EML4: variants seen among roughly 807,000 people sequenced by gnomAD.
EML4 encodes the protein EMAP like 4.
In EML4, 72 loss-of-function variants were observed where a neutral mutation model predicts 129.0. The observed-to-expected ratio is 0.56, with a 90% CI of 0.46 to 0.68. The LOEUF is 0.68. Ranked by LOEUF, EML4 falls within the 30% of genes least tolerant of loss-of-function variation. The probability of loss-of-function intolerance (pLI) is 0.00; values close to 1 mark genes in which losing one functional copy is unlikely to be tolerated. For missense variants in EML4, 1,363 were observed against 1,190.6 expected (o/e 1.14, Z -2.13); for synonymous variants, 532 against 405.0 (o/e 1.31, Z -3.77).
At chr2:42,262,138 A>G (rs559396439) in intron 4 of EML4, among the ~76,000 whole-genome samples, 24 of 152,304 alleles carry the variant, frequency 1.6e-4, no homozygotes, top group Non-Finnish European at 7.4e-5. Flanking sequence ...AATTTTAATA[A>G]AATAAATGAC....
intron 6 of EML4, among the ~76,000 whole-genome samples, chr2:42,268,127 C>G (rs1666165545): frequency 6.6e-6 from 1 of 152,188 alleles, no homozygotes; most frequent in Non-Finnish European, 1.5e-5. Context: ...AACTGGCCTT[C>G]CATATCTGCG....
At chr2:42,327,070 A>T (rs908362809) in intron 21 of EML4, among the ~76,000 whole-genome samples, 1 of 151,974 alleles carries the variant, frequency 6.6e-6, no homozygotes, top group Non-Finnish European at 1.5e-5. Context: ...CCTTTTCTGT[A>T]TAGTTTATAT....
At chr2:42,197,985 A>G (rs902004466) in intron 1 of EML4, among the ~76,000 whole-genome samples, 1 of 152,172 alleles carries the variant, frequency 6.6e-6, no homozygotes, top group Non-Finnish European at 1.5e-5. Flanking sequence ...TGCAATTACT[A>G]GTTTGTAGCC....
chr2:42,177,969 T>G (rs2103819721), intron 1 of EML4, among the ~76,000 whole-genome samples: 1 of 152,194 alleles, frequency 6.6e-6, no homozygotes, highest in Non-Finnish European at 1.5e-5. Flanking sequence ...AAAGATACAT[T>G]TTTAGTGGCT....
intron 1 of EML4, among the ~76,000 whole-genome samples, chr2:42,176,577 T>G (rs962251207): frequency 1.3e-5 from 2 of 152,236 alleles, no homozygotes; most frequent in African/African-American, 4.8e-5. Context: ...CTATTCTCAG[T>G]ACCCTTCAAG....
At chr2:42,281,646 C>A (rs1433498097) in intron 7 of EML4, among the ~76,000 whole-genome samples, 2 of 152,142 alleles carry the variant, frequency 1.3e-5, no homozygotes, top group African/African-American at 2.4e-5. Flanking sequence ...CTCACAGGGG[C>A]TGTTGTAGGA....
intron 1 of EML4, among the ~76,000 whole-genome samples, chr2:42,204,584 C>T (rs936747374): frequency 7.2e-5 from 11 of 152,128 alleles, no homozygotes; most frequent in Admixed American, 1.3e-4. Context: ...TCTCGAATAG[C>T]TGTTGTTCCT....
intron 4 of EML4, chr2:42,261,497 GA>G (rs10573221): frequency 0.072 from 15,730 of 218,116 alleles, 5 homozygotes; most frequent in East Asian, 0.15. Flanking sequence ...GTTAAAACTG[GA>G]AAAAAAAAAA....
At chr2:42,302,224 A>T (rs1468998445) in intron 14 of EML4, among the ~76,000 whole-genome samples, 1 of 152,140 alleles carries the variant, frequency 6.6e-6, no homozygotes, top group Non-Finnish European at 1.5e-5. Context: ...TAATTGACAC[A>T]TTGTAATTGA....
At chr2:42,265,970 T>C (rs1357436205) in intron 6 of EML4, among the ~76,000 whole-genome samples, 1 of 152,258 alleles carries the variant, frequency 6.6e-6, no homozygotes, top group African/African-American at 2.4e-5. Context: ...AATTGAAGCA[T>C]GCTGTTCTTA....
At chr2:42,261,094 T>G in intron 3 of EML4, 27 bp from the exon 4 acceptor site, 1 of 1,523,310 alleles carries the variant, frequency 6.6e-7, no homozygotes, top group South Asian at 1.2e-5. Flanking sequence ...AAATGTGTAT[T>G]GTTCCATGTT....
chr2:42,273,085 T>C (rs566632225), intron 6 of EML4, among the ~76,000 whole-genome samples: 253 of 152,310 alleles, frequency 1.7e-3, no homozygotes, highest in Middle Eastern at 3.4e-3. Flanking sequence ...GAAGTTTCCT[T>C]TTCAAATTTC....
chr2:42,227,977 TG>T (rs1039283346), intron 1 of EML4, among the ~76,000 whole-genome samples: 1 of 152,136 alleles, frequency 6.6e-6, no homozygotes, highest in African/African-American at 2.4e-5. Context: ...CCCAACACTT[TG>T]GGAGGCCAAG....
chr2:42,246,344 A>G (rs1474090181), intron 2 of EML4, among the ~76,000 whole-genome samples: 1 of 152,148 alleles, frequency 6.6e-6, no homozygotes. Flanking sequence ...ATATCATTTG[A>G]TGTCTCTTAC....
chr2:42,273,965 A>G (rs2104435277), intron 6 of EML4, among the ~76,000 whole-genome samples: 1 of 152,268 alleles, frequency 6.6e-6, no homozygotes, highest in South Asian at 2.1e-4. Flanking sequence ...CTGGAACTTG[A>G]AGTCTTTTGT....
rs745978386 is a variant in EML4, at chr2:42,256,484, T to C, written c.209-17T>C. On this transcript the variant is annotated splice_polypyrimidine_tract_variant and intron_variant, in intron 2 of 22. Coordinates refer to ENST00000318522, the MANE Select transcript of EML4 (RefSeq NM_019063.5). Reference sequence around the variant, plus strand: ...ATATTCAAATTTGATATAATTTTTTTCCTTAATTATCTTTAGGCCAACCAA... The same window carrying C: ...ATATTCAAATTTGATATAATTTTTTCCCTTAATTATCTTTAGGCCAACCAA... The C allele has an allele frequency of 6.4e-6, 10 of 1,573,196 alleles. No homozygotes were observed. In the South Asian group the frequency reaches 1.2e-4, roughly 19 times the overall value.
intron 2 of EML4, among the ~76,000 whole-genome samples, chr2:42,249,105 G>T (rs1162839528): frequency 1.3e-5 from 2 of 152,090 alleles, no homozygotes; most frequent in African/African-American, 4.8e-5. Flanking sequence ...GATCATCTCA[G>T]TTTTGATATT....
chr2:42,274,093 C>T (rs1488475030), intron 6 of EML4, among the ~76,000 whole-genome samples: 2 of 152,094 alleles, frequency 1.3e-5, no homozygotes, highest in African/African-American at 4.8e-5. Context: ...TTGTTTAACT[C>T]TGTGGTTTTG....
chr2:42,302,995 G>T, intron 14 of EML4, 109 bp from the exon 15 acceptor site: 2 of 1,045,630 alleles, frequency 1.9e-6, no homozygotes, highest in Non-Finnish European at 2.8e-6. Context: ...TCCAAATTTG[G>T]GCTTTCGTCA....
Sources: allele counts gnomAD v4.1 joint callset (sites outside exome capture counted in the v4.1 genomes callset), GRCh38; gene constraint gnomAD v4.1.1; transcripts MANE v1.5; gene names NCBI Gene and HGNC (gene_info 2026-07-23, HGNC 2026-07-21).